C14orf39: variants seen among roughly 807,000 people sequenced by gnomAD.
The protein encoded by C14orf39 is protein SIX6OS1.
In C14orf39, 66 loss-of-function variants were observed where a neutral mutation model predicts 85.6. That is an observed-to-expected ratio of 0.77 (90% CI 0.63 to 0.95). The LOEUF (loss-of-function observed/expected upper bound fraction) is 0.95. Among genes scored for constraint, C14orf39 ranks in the 40% least tolerant of loss-of-function variants. The pLI is 0.00. For missense variants in C14orf39, 735 were observed against 663.9 expected, an observed-to-expected ratio of 1.11 and a Z score of -1.18; for synonymous variants, 242 against 214.0, an observed-to-expected ratio of 1.13 and a Z score of -1.14.
chr14:60,489,466 GCA>G (rs1311251905), upstream of C14orf39, among the ~76,000 whole-genome samples: 1 of 152,152 alleles, frequency 6.6e-6, no homozygotes, highest in African/African-American at 2.4e-5. Flanking sequence ...ATAATGCCCA[GCA>G]CATAGTATAT....
At position 60,458,672 on chromosome 14, in the gene C14orf39, A is replaced by T; in HGVS notation, c.1179+6T>A. ...TTAGAAATTAGAGATCAAACATTTG[A>T]CTTACTTGTGAAGTACATTTTGATT... On this transcript the variant is annotated splice_donor_region_variant and intron_variant, in intron 14 of 17. Transcript: ENST00000321731. 1 of 1,586,620 alleles carries T rather than the reference A, an allele frequency of 6.3e-7. No homozygotes were observed. Among genetic ancestry groups the T allele is most frequent in the Non-Finnish European group, 8.6e-7 (1 of 1,162,622 alleles).
At chr14:60,441,824 T>G (rs1483597276) in intron 17 of C14orf39, among the ~76,000 whole-genome samples, 1 of 152,142 alleles carries the variant, frequency 6.6e-6, no homozygotes, top group Admixed American at 6.6e-5. Flanking sequence ...CTTAATATGA[T>G]AATAAATACA....
At chr14:60,475,468 C>T (rs909504148) in intron 5 of C14orf39, among the ~76,000 whole-genome samples, 1 of 151,866 alleles carries the variant, frequency 6.6e-6, no homozygotes, top group African/African-American at 2.4e-5. Context: ...TTTGTACAGC[C>T]CATGAACTAT....
At chr14:60,495,849 T>C in intron 2 of C14orf39, 1 of 296,942 alleles carries the variant, frequency 3.4e-6, no homozygotes, top group Non-Finnish European at 6.7e-6. Flanking sequence ...TCCTTTTCCC[T>C]TTCTTGGAAA....
At chr14:60,497,092 A>G (rs902239659) in intron 2 of C14orf39, among the ~76,000 whole-genome samples, 1 of 152,144 alleles carries the variant, frequency 6.6e-6, no homozygotes. Flanking sequence ...TTCCTCTGCA[A>G]TCCATCTTTA....
chr14:60,514,276 A>C (rs1893331816), intron 1 of C14orf39, among the ~76,000 whole-genome samples: 1 of 152,162 alleles, frequency 6.6e-6, no homozygotes, highest in Non-Finnish European at 1.5e-5. Flanking sequence ...AAGGTTTCTG[A>C]ATTTGGCAAA....
chr14:60,490,180 C>T (rs138966318), upstream of C14orf39, among the ~76,000 whole-genome samples: 292 of 152,244 alleles, frequency 1.9e-3, 1 homozygote, highest in Admixed American at 3.2e-3. Flanking sequence ...TGCATGGTTT[C>T]TAATGCAACC....
chr14:60,476,266 C>T (rs1402361250), intron 5 of C14orf39, among the ~76,000 whole-genome samples: 1 of 152,178 alleles, frequency 6.6e-6, no homozygotes, highest in Non-Finnish European at 1.5e-5. Context: ...CACATCCACC[C>T]TATTCATACT....
intron 16 of C14orf39, 32 bp from the exon 17 acceptor site, chr14:60,442,163 T>C: frequency 7.1e-7 from 1 of 1,413,752 alleles, no homozygotes; most frequent in South Asian, 1.2e-5. Flanking sequence ...ATATTACTTG[T>C]GAAATCAGTA....
intron 1 of C14orf39, among the ~76,000 whole-genome samples, chr14:60,503,737 G>T (rs891073238): frequency 6.6e-6 from 1 of 152,128 alleles, no homozygotes; most frequent in African/African-American, 2.4e-5. Context: ...ATAAGTATTT[G>T]GTTATCCTAA....
At chr14:60,465,911 A>G in intron 11 of C14orf39, 68 bp downstream of exon 11, 4 of 729,052 alleles carry the variant, frequency 5.5e-6, no homozygotes, top group Admixed American at 2.9e-5. Flanking sequence ...TCTTAAGGGC[A>G]GTACATTCAT....
At chr14:60,479,915 T>TA (rs930519620) in intron 4 of C14orf39, among the ~76,000 whole-genome samples, 20 of 152,138 alleles carry the variant, frequency 1.3e-4, no homozygotes, top group Non-Finnish European at 2.6e-4. Flanking sequence ...CCTATCATTA[T>TA]AAAAAGGCTG....
At chr14:60,492,982 T>C (rs993480956) in intron 2 of C14orf39, among the ~76,000 whole-genome samples, 5 of 152,080 alleles carry the variant, frequency 3.3e-5, no homozygotes, top group Non-Finnish European at 5.9e-5. Context: ...ATGAGTTTTA[T>C]CTCTAGAAAA....
intron 2 of C14orf39, among the ~76,000 whole-genome samples, chr14:60,492,724 A>C (rs1428447769): frequency 3.9e-5 from 6 of 152,218 alleles, no homozygotes; most frequent in Non-Finnish European, 8.8e-5. Flanking sequence ...CGGAAGTTGC[A>C]GTAAACCAAG....
chr14:60,506,906 CCCCTAGA>C (rs1654168477), intron 1 of C14orf39, among the ~76,000 whole-genome samples: 1 of 152,182 alleles, frequency 6.6e-6, no homozygotes, highest in Non-Finnish European at 1.5e-5. Flanking sequence ...CTGGATGGGG[CCCCTAGA>C]CTGTCCACTT....
chr14:60,450,773 C>T (rs989227441), intron 16 of C14orf39, among the ~76,000 whole-genome samples: 2 of 152,118 alleles, frequency 1.3e-5, no homozygotes, highest in Non-Finnish European at 2.9e-5. Context: ...GGCCACACCT[C>T]CCCCCACTCC....
rs142421301 is a variant in C14orf39, at chr14:60,449,752, GTTC to G, written c.1503+5246_1503+5248del. Among the ~76,000 whole-genome samples, 670 of 152,054 alleles carry G rather than the reference GTTC, an allele frequency of 4.4e-3. 24 individuals are homozygous for G. In the East Asian group the frequency reaches 0.076, roughly 17 times the overall value. ...CTTCATTTTACTTCAGGTTTGCTTA[GTTC>G]TTCTTTCTCTAGATTCTCAAAATGA... is the stretch of plus-strand genomic sequence containing the variant. On this transcript the variant is annotated intron_variant, in intron 16 of 17. Transcript: ENST00000321731.
intron 16 of C14orf39, among the ~76,000 whole-genome samples, chr14:60,452,173 A>G (rs1322694514): frequency 6.6e-6 from 1 of 151,862 alleles, no homozygotes; most frequent in African/African-American, 2.4e-5. Flanking sequence ...TCTCAAAAAA[A>G]AAAAAAAAAA....
intron 17 of C14orf39, among the ~76,000 whole-genome samples, chr14:60,439,707 T>C (rs996558446): frequency 6.6e-6 from 1 of 152,202 alleles, no homozygotes; most frequent in Non-Finnish European, 1.5e-5. Context: ...AGATATAAAT[T>C]TGTTCATTAT....
Sources: gnomAD v4.1 joint callset for allele counts (sites outside exome capture counted in the v4.1 genomes callset) on GRCh38, gnomAD v4.1.1 for gene constraint, MANE v1.5 for transcripts, NCBI Gene and HGNC (gene_info 2026-07-23, HGNC 2026-07-21) for gene names.